ZBTB16: variants seen among roughly 807,000 people sequenced by gnomAD.
ZBTB16 encodes zinc finger and BTB domain-containing protein 16.
In ZBTB16, 8 loss-of-function variants were observed where a neutral mutation model predicts 56.8. The ratio of observed to expected loss-of-function variants is 0.14; its 90% CI spans 0.08 to 0.25. The LOEUF is 0.25. ZBTB16 is among the 10% of genes least tolerant of loss of function. The pLI, the probability that ZBTB16 is intolerant of heterozygous loss-of-function variation, is 1.00. For synonymous variants in ZBTB16, 363 were observed against 368.5 expected, an observed-to-expected ratio of 0.98 and a Z score of 0.17; for missense variants, 625 against 903.0, an observed-to-expected ratio of 0.69 and a Z score of 3.95.
chr11:114,110,267 ATCAG>A (rs1336734758), intron 2 of ZBTB16, among the ~76,000 whole-genome samples: 1 of 152,100 alleles, frequency 6.6e-6, no homozygotes, highest in Admixed American at 6.5e-5. Context: ...ACGGTCAAAG[ATCAG>A]TCACAGAGCA....
At position 114,103,592 on chromosome 11, in the gene ZBTB16, C is replaced by T. The variant is rs144003211; in HGVS notation, c.1268+39024C>T. ...TTCCAAAGAGTAGGCCCCTATCTCT[C>T]GGGGGATTAACTCCTCGTGGCCCCT... On this transcript the variant is annotated intron_variant, in intron 2 of 6. Transcript: ENST00000335953. 4.1e-3 allele frequency among the ~76,000 whole-genome samples: 629 copies of T among 152,026 alleles called. 7 individuals carry two copies. The highest frequency in any genetic ancestry group is 0.013 in the African/African-American group (557 of 41,468).
At chr11:114,127,005 A>G (rs1195957433) in intron 2 of ZBTB16, among the ~76,000 whole-genome samples, 2 of 152,066 alleles carry the variant, frequency 1.3e-5, no homozygotes, top group South Asian at 2.1e-4. Flanking sequence ...TTCTTCTTTC[A>G]TTGGAGCAGA....
intron 2 of ZBTB16, among the ~76,000 whole-genome samples, chr11:114,150,930 C>T (rs1393713912): frequency 6.6e-6 from 1 of 152,192 alleles, no homozygotes; most frequent in Non-Finnish European, 1.5e-5. Flanking sequence ...CTGCCCAGGT[C>T]CTGCTCGACA....
intron 3 of ZBTB16, among the ~76,000 whole-genome samples, chr11:114,159,616 G>T (rs1942521158): frequency 6.6e-6 from 1 of 152,172 alleles, no homozygotes; most frequent in African/African-American, 2.4e-5. Flanking sequence ...GGCCCTGGGG[G>T]CCTCTGGAGT....
chr11:114,091,481 C>T (rs980705053), intron 2 of ZBTB16, among the ~76,000 whole-genome samples: 5 of 152,092 alleles, frequency 3.3e-5, no homozygotes, highest in African/African-American at 9.6e-5. Context: ...CGGTGGTCAC[C>T]GTAGACGTCC....
Position 114,159,939 on chromosome 11 carries a change from G to GT in ZBTB16, c.1366+3505_1366+3506insT, listed in dbSNP as rs1481092634. 6.7e-5 allele frequency among the ~76,000 whole-genome samples: 10 copies of GT among 149,324 alleles called. 2 individuals carry two copies. Among genetic ancestry groups the GT allele is most frequent in the South Asian group, 4.2e-4 (2 of 4,720 alleles). On this transcript the variant is annotated intron_variant, in intron 3 of 6. Coordinates refer to ENST00000335953, the MANE Select transcript of ZBTB16 (RefSeq NM_006006.6). ...TCCAGAACCCTGGGCGGGGGAGGCG[G>GT]GGGGGAGGCGAGCATTTTTTTTCAA...
At chr11:114,105,468 G>T (rs1940757993) in intron 2 of ZBTB16, among the ~76,000 whole-genome samples, 1 of 152,136 alleles carries the variant, frequency 6.6e-6, no homozygotes, top group South Asian at 2.1e-4. Flanking sequence ...TCAAACTCCT[G>T]ATCTCAGGTG....
chr11:114,064,333 G>A lies in ZBTB16; in HGVS notation c.1033G>A (p.Val345Ile), dbSNP rs1420190749. 2 of 1,614,106 alleles carry A rather than the reference G, an allele frequency of 1.2e-6. No homozygotes were observed. The highest frequency in any genetic ancestry group is 2.2e-5 in the East Asian group (1 of 44,870). The part of the protein sequence containing the change: ...SVLPNHKADA[V>I]LSMPSSVTSG... ...GTTGCCCAACCACAAGGCTGACGCTGTATTGAGCATGCCGTCTTCCGTGAC... is the reference window on the plus strand; with the variant it reads ...GTTGCCCAACCACAAGGCTGACGCTATATTGAGCATGCCGTCTTCCGTGAC... Residue 345 changes from valine (V) to isoleucine (I), a missense_variant, in exon 2 of 7, where the codon GTA (valine) becomes ATA (isoleucine). This residue lies in a region of ZBTB16 where 384 missense variants were observed against 393.5 expected (regional missense o/e 0.98). Coordinates refer to ENST00000335953, the MANE Select transcript of ZBTB16 (RefSeq NM_006006.6). The surrounding 1 kb of genome is among the most constrained non-coding windows in gnomAD (Gnocchi z 4.2).
intron 2 of ZBTB16, among the ~76,000 whole-genome samples, chr11:114,154,807 CA>C (rs1458095759): frequency 6.6e-6 from 1 of 152,066 alleles, no homozygotes; most frequent in Non-Finnish European, 1.5e-5. Context: ...AGCATGCAAA[CA>C]AAACAATGTG....
At chr11:114,186,804 G>A (rs1565674661) in intron 3 of ZBTB16, 148 bp from the exon 4 acceptor site, 3 of 741,834 alleles carry the variant, frequency 4.0e-6, no homozygotes, top group East Asian at 2.6e-5. Context: ...CTTGGAGGAG[G>A]GTCTGAGCCA....
intron 3 of ZBTB16, among the ~76,000 whole-genome samples, chr11:114,182,043 TTTGTTGTTGTTA>T (rs1037505272): frequency 7.4e-4 from 113 of 152,242 alleles, no homozygotes; most frequent in African/African-American, 2.3e-3. Flanking sequence ...TACTCAATGC[TTTGTTGTTGTTA>T]TTGTTGTTGT....
intron 2 of ZBTB16, among the ~76,000 whole-genome samples, chr11:114,152,563 G>A (rs1422631306): frequency 6.6e-6 from 1 of 152,208 alleles, no homozygotes; most frequent in Non-Finnish European, 1.5e-5. Context: ...TACCTAATGA[G>A]CCACTAAGAG....
chr11:114,233,066 TGCGCGCGCGC>T (rs71063553), intron 4 of ZBTB16, among the ~76,000 whole-genome samples: 2 of 94,308 alleles, frequency 2.1e-5, no homozygotes, highest in African/African-American at 3.9e-5. Context: ...CACATACGCA[TGCGCGCGCGC>T]GCGCGCACAC....
chr11:114,171,459 C>T (rs905224431), intron 3 of ZBTB16, among the ~76,000 whole-genome samples: 2 of 152,230 alleles, frequency 1.3e-5, no homozygotes, highest in Non-Finnish European at 2.9e-5. Flanking sequence ...GGGGCCTTGC[C>T]AAGCTGAACG....
intron 2 of ZBTB16, among the ~76,000 whole-genome samples, chr11:114,123,972 C>T (rs970650043): frequency 6.6e-6 from 1 of 152,206 alleles, no homozygotes; most frequent in Middle Eastern, 3.4e-3. Context: ...AAACTTGGAA[C>T]CCATGAACCA....
At chr11:114,210,314 T>C (rs1943975814) in intron 4 of ZBTB16, among the ~76,000 whole-genome samples, 1 of 152,166 alleles carries the variant, frequency 6.6e-6, no homozygotes, top group Non-Finnish European at 1.5e-5. Context: ...AGAGGGACTA[T>C]TAAAATTTTT....
chr11:114,129,947 A>G (rs1357671534), intron 2 of ZBTB16, among the ~76,000 whole-genome samples: 2 of 152,256 alleles, frequency 1.3e-5, no homozygotes, highest in Non-Finnish European at 2.9e-5. Context: ...GCATTGCCAC[A>G]TGTATCTTGA....
At chr11:114,125,756 C>G (rs1941491090) in intron 2 of ZBTB16, among the ~76,000 whole-genome samples, 1 of 152,106 alleles carries the variant, frequency 6.6e-6, no homozygotes, top group South Asian at 2.1e-4. Flanking sequence ...CTGTTTGTTG[C>G]AGGAGCGCCA....
rs1555159915 is a variant in ZBTB16, at chr11:114,235,682, C to CTTTCT, written c.1454-6482_1454-6478dup. On this transcript the variant is annotated intron_variant, in intron 4 of 6. Coordinates refer to ENST00000335953, the MANE Select transcript of ZBTB16 (RefSeq NM_006006.6). ...TCTTTCTTTCTTTCTTTCTTTCTTT[C>CTTTCT]TTTCTTTCTTTTCTTTCTTTCTTTT... 6.7e-3 allele frequency among the ~76,000 whole-genome samples: 240 copies of CTTTCT among 36,082 alleles called. 1 individual carries two copies. Among genetic ancestry groups the CTTTCT allele is most frequent in the African/African-American group, 0.017 (226 of 13,364 alleles). 23.7% of individuals were successfully genotyped at this position (36,082 alleles called of 152,430 possible).
Sources: gnomAD v4.1 joint callset for allele counts (sites outside exome capture counted in the v4.1 genomes callset) on GRCh38, gnomAD v4.1.1 for gene constraint, gnomAD v4.1.1 regional missense constraint, Gnocchi (gnomAD v3.1) non-coding constraint, MANE v1.5 for transcripts, NCBI Gene and HGNC (gene_info 2026-07-23, HGNC 2026-07-21) for gene names.